The following RANBP17 variants were observed in gnomAD, a reference collection of about 807,000 sequenced individuals.
RANBP17 encodes ran-binding protein 17.
In RANBP17, 158 loss-of-function variants were observed where a neutral mutation model predicts 141.2. That is an observed-to-expected ratio of 1.12 (90% CI 0.98 to 1.28). The LOEUF (loss-of-function observed/expected upper bound fraction) is 1.28. RANBP17 is among the 50% of genes most tolerant of loss of function. The pLI is 0.00. For synonymous variants in RANBP17, 430 were observed against 450.0 expected (o/e 0.96, Z 0.56); for missense variants, 1,438 against 1,290.7 (o/e 1.11, Z -1.75).
chr5:170,862,841 C>A (rs1426209259), intron 1 of RANBP17, among the ~76,000 whole-genome samples: 1 of 152,340 alleles, frequency 6.6e-6, no homozygotes, highest in South Asian at 2.1e-4. Flanking sequence ...ATCTTACTAT[C>A]CTCGCCCTCA....
chr5:171,197,896 G>A (rs920643268), intron 18 of RANBP17, among the ~76,000 whole-genome samples: 9 of 152,232 alleles, frequency 5.9e-5, no homozygotes, highest in South Asian at 2.1e-4. Flanking sequence ...AAAATTAGCC[G>A]GGCGTTGTGG....
intron 12 of RANBP17, among the ~76,000 whole-genome samples, chr5:170,936,872 A>G (rs568698562): frequency 2.4e-4 from 36 of 152,310 alleles, no homozygotes; most frequent in African/African-American, 7.9e-4. Context: ...TGTATCATGT[A>G]AACATTTGTG....
intron 14 of RANBP17, among the ~76,000 whole-genome samples, chr5:171,046,366 G>A (rs1218098851): frequency 6.6e-6 from 1 of 151,592 alleles, no homozygotes; most frequent in African/African-American, 2.4e-5. Flanking sequence ...GCTCCACCAC[G>A]TCCAGCTAAT....
chr5:171,089,730 G>C (rs976991732), intron 14 of RANBP17, among the ~76,000 whole-genome samples: 6 of 152,138 alleles, frequency 3.9e-5, no homozygotes, highest in Non-Finnish European at 8.8e-5. Flanking sequence ...TTCCAGGTGC[G>C]TTCGTCACCC....
At chr5:171,210,566 A>G (rs1762819976) in intron 20 of RANBP17, among the ~76,000 whole-genome samples, 1 of 152,078 alleles carries the variant, frequency 6.6e-6, no homozygotes, top group Non-Finnish European at 1.5e-5. Flanking sequence ...ATGCATTCCC[A>G]CTAATGAGTT....
chr5:171,191,711 T>C (rs1013923291), intron 18 of RANBP17, among the ~76,000 whole-genome samples: 13 of 150,612 alleles, frequency 8.6e-5, no homozygotes, highest in African/African-American at 3.2e-4. Context: ...AAAAGAAAAC[T>C]GAGGTTCATA....
At chr5:170,883,551 A>T (rs1041098269) in intron 3 of RANBP17, among the ~76,000 whole-genome samples, 2 of 152,182 alleles carry the variant, frequency 1.3e-5, no homozygotes, top group African/African-American at 4.8e-5. Flanking sequence ...CCAATATAGT[A>T]TTATACAGAA....
intron 14 of RANBP17, among the ~76,000 whole-genome samples, chr5:171,131,299 A>G (rs1581700734): frequency 1.3e-5 from 2 of 152,188 alleles, no homozygotes; most frequent in Admixed American, 6.5e-5. Context: ...AGTGGTTCCT[A>G]TTTATATCTG....
chr5:170,918,667 A>G (rs1472634598), intron 9 of RANBP17, 46 bp from the exon 10 acceptor site: 4 of 1,511,798 alleles, frequency 2.6e-6, no homozygotes, highest in Non-Finnish European at 3.6e-6. Flanking sequence ...TTTATTGTCC[A>G]TAGGTTGGCT....
Position 170,961,644 on chromosome 5 carries a change from C to T in RANBP17, c.1575-6598C>T, listed in dbSNP as rs532221862. On this transcript the variant is annotated intron_variant, in intron 13 of 27. Coordinates refer to ENST00000523189, the MANE Select transcript of RANBP17 (RefSeq NM_022897.5). ...ATTTCAGATTATGGATTTTTGGATTCGAGATGCTCAGATGGTAAGTATAAT... is the reference window on the plus strand; with the variant it reads ...ATTTCAGATTATGGATTTTTGGATTTGAGATGCTCAGATGGTAAGTATAAT... Among the ~76,000 whole-genome samples, 5 of 152,170 alleles carry T rather than the reference C, an allele frequency of 3.3e-5. No homozygotes were observed. The East Asian group carries it at 7.7e-4, about 24-fold the overall frequency.
At chr5:171,047,873 G>A (rs1216160523) in intron 14 of RANBP17, among the ~76,000 whole-genome samples, 1 of 152,018 alleles carries the variant, frequency 6.6e-6, no homozygotes, top group African/African-American at 2.4e-5. Context: ...AATAGCAAAA[G>A]TTTTTATTTT....
chr5:171,040,824 T>C (rs1382087291), intron 14 of RANBP17, among the ~76,000 whole-genome samples: 3 of 152,212 alleles, frequency 2.0e-5, no homozygotes, highest in Non-Finnish European at 4.4e-5. Context: ...GCATTAGTTA[T>C]CTATTGCCGC....
At chr5:170,965,014 A>G (rs1171134984) in intron 13 of RANBP17, among the ~76,000 whole-genome samples, 1 of 152,182 alleles carries the variant, frequency 6.6e-6, no homozygotes, top group Non-Finnish European at 1.5e-5. Context: ...AGTCCCACCA[A>G]CTGTGTGAAA....
chr5:171,031,670 T>G (rs974469904), intron 14 of RANBP17, among the ~76,000 whole-genome samples: 3 of 152,056 alleles, frequency 2.0e-5, no homozygotes, highest in Non-Finnish European at 2.9e-5. Context: ...GTGAATGCCA[T>G]TTCATCTAAG....
intron 22 of RANBP17, among the ~76,000 whole-genome samples, chr5:171,237,138 C>T (rs958990914): frequency 6.6e-6 from 1 of 152,076 alleles, no homozygotes; most frequent in South Asian, 2.1e-4. Context: ...CTATGTGTAT[C>T]CCTCTTTAAA....
At chr5:171,035,441 C>T (rs960141119) in intron 14 of RANBP17, among the ~76,000 whole-genome samples, 1 of 151,828 alleles carries the variant, frequency 6.6e-6, no homozygotes, top group East Asian at 1.9e-4. Context: ...CTTCTAATAT[C>T]TTTCTTAATA....
At chr5:171,204,677 C>T (rs746998033) in intron 19 of RANBP17, among the ~76,000 whole-genome samples, 1 of 152,130 alleles carries the variant, frequency 6.6e-6, no homozygotes, top group Non-Finnish European at 1.5e-5. Context: ...AAGCATCAAC[C>T]TAAGGACAGC....
Position 170,922,775 on chromosome 5 carries a change from T to G in RANBP17, c.1275-1582T>G, listed in dbSNP as rs545419268. ...AAATCCCCTGACCCCTTGCGCTTCC[T>G]GGGTGAGGCGACGCCCTGCCCTGCT... On this transcript the variant is annotated intron_variant, in intron 11 of 27. Transcript: ENST00000523189. Among the ~76,000 whole-genome samples the G allele has an allele frequency of 7.9e-5, 12 of 152,242 alleles. No homozygotes were observed. The South Asian group carries it at 2.3e-3, about 29-fold the overall frequency.
intron 1 of RANBP17, among the ~76,000 whole-genome samples, chr5:170,867,982 A>G (rs958648003): frequency 5.3e-5 from 8 of 152,096 alleles, no homozygotes; most frequent in East Asian, 1.9e-4. Context: ...GAACCATACA[A>G]TATACACTCT....
Sources: allele counts gnomAD v4.1 joint callset (sites outside exome capture counted in the v4.1 genomes callset), GRCh38; gene constraint gnomAD v4.1.1; transcripts MANE v1.5; gene names NCBI Gene and HGNC (gene_info 2026-07-23, HGNC 2026-07-21).